The following ASAH2 variants were observed in gnomAD, a reference collection of about 807,000 sequenced individuals.
The protein encoded by ASAH2 is neutral ceramidase.
A neutral mutation model predicts 82.9 loss-of-function variants in ASAH2; 58 were observed. The ratio of observed to expected loss-of-function variants is 0.70; its 90% CI spans 0.57 to 0.87. The LOEUF is 0.87. Among genes scored for constraint, ASAH2 ranks in the 40% least tolerant of loss-of-function variants. ASAH2 has a pLI of 0.00. For synonymous variants in ASAH2, 276 were observed against 289.7 expected (o/e 0.95, Z 0.48); for missense variants, 779 against 834.0 (o/e 0.93, Z 0.81).
intron 4 of ASAH2, among the ~76,000 whole-genome samples, chr10:50,240,831 A>G (rs1846275356): frequency 6.6e-6 from 1 of 152,174 alleles, no homozygotes; most frequent in South Asian, 2.1e-4. Context: ...CTGAATCCCT[A>G]TTGGTGATCT....
At chr10:50,223,052 C>T (rs1429572989) in intron 7 of ASAH2, among the ~76,000 whole-genome samples, 2 of 152,128 alleles carry the variant, frequency 1.3e-5, no homozygotes, top group African/African-American at 4.8e-5. Context: ...ATTAAAAATA[C>T]AGCAGAAAGT....
intron 7 of ASAH2, among the ~76,000 whole-genome samples, chr10:50,231,784 AATGCTAAGAATTTC>A (rs1846027853): frequency 6.6e-6 from 1 of 152,318 alleles, no homozygotes; most frequent in South Asian, 2.1e-4. Context: ...GAGGAACTCA[AATGCTAAGAATTTC>A]AAGCATTCTA....
chr10:50,243,437 C>A (rs1846362505), intron 3 of ASAH2, 86 bp from the exon 4 acceptor site: 2 of 1,397,186 alleles, frequency 1.4e-6, no homozygotes, highest in Middle Eastern at 1.9e-4. Flanking sequence ...TAGACGACTG[C>A]AGAAAAACAA....
rs1267842774 is a variant in ASAH2 at position 50,200,139 on chromosome 10, T to G, written c.1762-993A>C. Among the ~76,000 whole-genome samples the G allele has an allele frequency of 7.0e-4, 106 of 151,944 alleles. 1 individual carries two copies. Among genetic ancestry groups the G allele is most frequent in the Non-Finnish European group, 1.2e-3 (81 of 67,960 alleles). On this transcript the variant is annotated intron_variant, in intron 16 of 20. Transcript: ENST00000682911. Reference sequence around the variant, plus strand: ...CAGATCTTAATTACACTATGGCTTCTTAATCAGTCCTCTGCCTATACACAA... The same window carrying G: ...CAGATCTTAATTACACTATGGCTTCGTAATCAGTCCTCTGCCTATACACAA...
intron 3 of ASAH2, 51 bp from the exon 4 acceptor site, chr10:50,243,402 A>G: frequency 1.3e-6 from 2 of 1,585,134 alleles, no homozygotes; most frequent in Non-Finnish European, 1.7e-6. Flanking sequence ...CCCTGCTACT[A>G]GAAACCAGGC....
chr10:50,233,463 G>A lies in ASAH2; in HGVS notation c.816-202C>T, dbSNP rs933810624. Among the ~76,000 whole-genome samples, 53 of 152,182 alleles carry A rather than the reference G, an allele frequency of 3.5e-4. 1 individual carries two copies. The highest frequency in any genetic ancestry group is 1.1e-3 in the African/African-American group (47 of 41,534). ...ATGCAATTGCGATCAAAGTTTGGGG[G>A]ACTAGGTCAAGCGACTGGAGCTGAA... On this transcript the variant is annotated intron_variant, in intron 6 of 20. Transcript: ENST00000682911.
chr10:50,220,359 G>A (rs1445669605), intron 7 of ASAH2, among the ~76,000 whole-genome samples: 1 of 152,064 alleles, frequency 6.6e-6, no homozygotes, highest in Non-Finnish European at 1.5e-5. Flanking sequence ...ACAATAGCAA[G>A]ACATGAAATC....
chr10:50,193,850 C>T lies in ASAH2; in HGVS notation c.2005-1138G>A, dbSNP rs1844905763. Among the ~76,000 whole-genome samples, 22 of 151,876 alleles carry T rather than the reference C, an allele frequency of 1.4e-4. No individual in the cohort carries two copies. In the South Asian group the frequency reaches 4.6e-3, roughly 32 times the overall value. On this transcript the variant is annotated intron_variant, in intron 18 of 20. Transcript: ENST00000682911. The stretch of plus-strand genomic sequence containing the variant: ...AAGGATTACAGGGGATTATCATGAG[C>T]AACAACAACTTTTATATTACACCAA...
At position 50,206,149 on chromosome 10, in the gene ASAH2, A is replaced by T. The variant is rs1170576284; in HGVS notation, c.1415-52T>A. 3.2e-6 allele frequency: 4 copies of T among 1,263,780 alleles called. No homozygotes were observed. In the African/African-American group the frequency reaches 4.4e-5, roughly 14 times the overall value. 78.3% of individuals were successfully genotyped at this position (1,263,780 alleles called of 1,614,324 possible). ...CTTCCTTGAACCAACCCTCTCAAAA[A>T]AGTCATTATCTTGACAAATATTGTA... On this transcript the variant is annotated intron_variant, in intron 12 of 20. Transcript: ENST00000682911.
At position 50,224,079 on chromosome 10, in the gene ASAH2, T is replaced by TAATATTGTGTTA. The variant is rs1403476934; in HGVS notation, c.894-5461_894-5450dup. On this transcript the variant is annotated intron_variant, in intron 7 of 20. Coordinates refer to ENST00000682911, the MANE Select transcript of ASAH2 (RefSeq NM_019893.4). Reference sequence around the variant, plus strand: ...TTCCCTAGGAAACTAATACAGAGGCTAATATTGTGTTACAGTAGCTGAAAA... The same window carrying TAATATTGTGTTA: ...TTCCCTAGGAAACTAATACAGAGGCTAATATTGTGTTAAATATTGTGTTACAGTAGCTGAAAA... Among the ~76,000 whole-genome samples, 5 of 152,222 alleles carry TAATATTGTGTTA rather than the reference T, an allele frequency of 3.3e-5. No individual in the cohort carries two copies. The South Asian group carries it at 6.2e-4, about 19-fold the overall frequency.
chr10:50,226,189 A>T (rs1845880830), intron 7 of ASAH2, among the ~76,000 whole-genome samples: 1 of 152,214 alleles, frequency 6.6e-6, no homozygotes, highest in African/African-American at 2.4e-5. Context: ...GTACATTATG[A>T]TACATAGAAT....
chr10:50,211,171 G>C, intron 10 of ASAH2, 37 bp from the exon 11 acceptor site: 1 of 1,433,016 alleles, frequency 7.0e-7, no homozygotes, highest in Non-Finnish European at 9.9e-7. Context: ...CAAGCAAAAA[G>C]GCTAAAGTGA....
intron 6 of ASAH2, among the ~76,000 whole-genome samples, chr10:50,233,831 T>G (rs1401285486): frequency 1.3e-5 from 2 of 152,106 alleles, no homozygotes; most frequent in African/African-American, 4.8e-5. Flanking sequence ...ACAAACCTGG[T>G]TCATCACTTA....
At chr10:50,241,942 G>C (rs548194039) in intron 4 of ASAH2, among the ~76,000 whole-genome samples, 2 of 151,984 alleles carry the variant, frequency 1.3e-5, no homozygotes, top group South Asian at 4.2e-4. Context: ...TGTAGATGAC[G>C]GGTTGATGGG....
chr10:50,205,199 C>A (rs921304363), intron 13 of ASAH2, among the ~76,000 whole-genome samples: 3 of 151,934 alleles, frequency 2.0e-5, no homozygotes. Flanking sequence ...TAACAGATAA[C>A]CAAACATTTT....
chr10:50,216,356 T>C (rs1845602265), intron 8 of ASAH2, among the ~76,000 whole-genome samples: 2 of 152,308 alleles, frequency 1.3e-5, no homozygotes, highest in African/African-American at 4.8e-5. Context: ...TTTTTATTCC[T>C]GTAAAGGCTC....
chr10:50,235,935 C>T lies in ASAH2; in HGVS notation c.640G>A (p.Gly214Arg). 6.2e-7 allele frequency: 1 copy of T among 1,613,382 alleles called. No individual in the cohort carries two copies. The highest frequency in any genetic ancestry group is 8.5e-7 in the Non-Finnish European group (1 of 1,179,488). The part of the protein sequence containing the change: ...QYTVFVIASE[G>R]FSNQTFQHMV... ...TGCTGAAAAGTTTGATTGCTAAATC[C>T]TTCACTGGCAATTACAAACACGGTA... Residue 214 changes from glycine to arginine, a missense_variant, in exon 5 of 21, where the codon GGA becomes AGA. By Grantham distance (125) the Gly-to-Arg change is moderately radical (BLOSUM62 -2). Coordinates refer to ENST00000682911, the MANE Select transcript of ASAH2 (RefSeq NM_019893.4).
intron 3 of ASAH2, among the ~76,000 whole-genome samples, chr10:50,244,828 C>T (rs539288313): frequency 1.4e-5 from 2 of 146,410 alleles, no homozygotes; most frequent in East Asian, 4.2e-4. Flanking sequence ...GATTCATGTA[C>T]TTTATTTGTG....
chr10:50,245,538 G>A, intron 2 of ASAH2, 84 bp from the exon 3 acceptor site: 1 of 1,205,908 alleles, frequency 8.3e-7, no homozygotes, highest in Non-Finnish European at 1.2e-6. Context: ...TATAGGCTCA[G>A]GTTCATAAGG....
Sources: gnomAD v4.1 joint callset for allele counts (sites outside exome capture counted in the v4.1 genomes callset) on GRCh38, gnomAD v4.1.1 for gene constraint, MANE v1.5 for transcripts, NCBI Gene and HGNC (gene_info 2026-07-23, HGNC 2026-07-21) for gene names.